MSANTD4: variants seen among roughly 807,000 people sequenced by gnomAD.
The protein encoded by MSANTD4 is Myb/SANT DNA binding domain containing 4 with coiled-coils, also known as myb/SANT-like DNA-binding domain-containing protein 4.
In MSANTD4, 13 loss-of-function variants were observed where a neutral mutation model predicts 34.3. That is an observed-to-expected ratio of 0.38 (90% CI 0.25 to 0.60). The LOEUF (loss-of-function observed/expected upper bound fraction) is 0.60. MSANTD4 is among the 20% of genes least tolerant of loss of function. The probability of loss-of-function intolerance (pLI) is 0.63; values close to 1 mark genes in which losing one functional copy is unlikely to be tolerated. For missense variants in MSANTD4, 358 were observed against 401.8 expected (o/e 0.89, Z 0.93); for synonymous variants, 137 against 145.2 (o/e 0.94, Z 0.41).
At position 106,009,669 on chromosome 11, in the gene MSANTD4, G is replaced by A. The variant is rs768814726; in HGVS notation, c.904C>T (p.Arg302Ter). 7 of 1,614,042 alleles carry A rather than the reference G, an allele frequency of 4.3e-6. No individual in the cohort carries two copies. Among genetic ancestry groups the A allele is most frequent in the East Asian group, 2.2e-5 (1 of 44,862 alleles). Residue 302 changes from arginine (R) to a stop codon, truncating the protein, a stop_gained, in exon 3 of 3, where the codon CGA (arginine) becomes TGA (stop). Coordinates refer to ENST00000301919, the MANE Select transcript of MSANTD4 (RefSeq NM_032424.3). LOFTEE classifies it high-confidence loss of function. ...DIETEKLKLE[R>*]ERLQLEKDRL... The stretch of plus-strand genomic sequence containing the variant: ...TCCTTTTCCAGTTGCAAGCGTTCTC[G>A]CTCAAGTTTTAACTTCTCTGTTTCT...
chr11:106,014,427 C>A (rs1431582934), intron 1 of MSANTD4, among the ~76,000 whole-genome samples: 1 of 152,142 alleles, frequency 6.6e-6, no homozygotes, highest in African/African-American at 2.4e-5. Context: ...CTCAGTTTAC[C>A]TTTTAACACA....
At position 106,021,458 on chromosome 11, in the gene MSANTD4, A is replaced by G. The variant is rs558932863; in HGVS notation, c.-647T>C. On this transcript the variant is annotated 5_prime_UTR_variant, in exon 1 of 3. Coordinates refer to ENST00000301919, the MANE Select transcript of MSANTD4 (RefSeq NM_032424.3). The stretch of plus-strand genomic sequence containing the variant: ...GAATGAAGTTCCTAGATACTTCATG[A>G]TAAGTCAGAATTAAGAAGTCTGAGA... 1 of 152,338 alleles carries G rather than the reference A, an allele frequency of 6.6e-6. No individual in the cohort carries two copies. Among genetic ancestry groups the G allele is most frequent in the Admixed American group, 6.5e-5 (1 of 15,306 alleles). The allele number at this position is 152,338 out of a possible 1,614,324, so 9.4% of individuals were successfully genotyped here.
At chr11:106,011,169 T>A in intron 1 of MSANTD4, 102 bp from the exon 2 acceptor site, 1 of 506,326 alleles carries the variant, frequency 2.0e-6, no homozygotes, top group Non-Finnish European at 3.2e-6. Context: ...AAAACAACCC[T>A]CTAAATATAG....
chr11:106,011,714 C>G (rs1436416071), intron 1 of MSANTD4, among the ~76,000 whole-genome samples: 2 of 152,186 alleles, frequency 1.3e-5, no homozygotes, highest in Admixed American at 1.3e-4. Context: ...AGCAGAGATT[C>G]TGGCACATGG....
At chr11:106,018,492 A>G (rs764056435) in intron 1 of MSANTD4, among the ~76,000 whole-genome samples, 4 of 152,210 alleles carry the variant, frequency 2.6e-5, no homozygotes, top group Non-Finnish European at 4.4e-5. Flanking sequence ...AAGCTCTCCA[A>G]GTGCTTCTCA....
Position 106,009,199 on chromosome 11 carries a change from T to C in MSANTD4, c.*336A>G, listed in dbSNP as rs1370008601. 5.1e-6 allele frequency: 1 copy of C among 196,412 alleles called. No individual in the cohort carries two copies. The highest frequency in any genetic ancestry group is 2.3e-5 in the African/African-American group (1 of 42,676). The allele number at this position is 196,412 out of a possible 1,614,324, so 12.2% of individuals were successfully genotyped here. A position where few individuals can be genotyped will look rare whatever the true frequency, so the allele number is the denominator to read the frequency against. ...AACATGTCTCCAGACATCACCAAAT[T>C]GGTCTTCTGAAGGCCAAAATCTACC... On this transcript the variant is annotated 3_prime_UTR_variant, in exon 3 of 3. Coordinates refer to ENST00000301919, the MANE Select transcript of MSANTD4 (RefSeq NM_032424.3).
At position 106,010,476 on chromosome 11, in the gene MSANTD4, T is replaced by C. The variant is rs1859660147; in HGVS notation, c.442A>G (p.Arg148Gly). Residue 148 changes from arginine (R) to glycine (G), a missense_variant, in exon 2 of 3, where the codon AGG becomes GGG. Arg to Gly is a moderately radical substitution (Grantham distance 125). Around this residue, in one of 2 missense-constraint regions of MSANTD4, gnomAD observed 312 missense variants for 317.6 expected, o/e 0.98. Transcript: ENST00000301919. The stretch of plus-strand genomic sequence containing the variant: ...CTTACTTCAGGACTCTGCGGATCCC[T>C]TTCTTCCTCTTCCACCTTGACCTCA... ...LTEVKVEEEE[R>G]DPQSPEFEIE... is the part of the protein sequence containing the mutation. 1.2e-6 allele frequency: 2 copies of C among 1,613,726 alleles called. No homozygotes were observed. Among genetic ancestry groups the C allele is most frequent in the East Asian group, 2.2e-5 (1 of 44,878 alleles).
intron 1 of MSANTD4, among the ~76,000 whole-genome samples, chr11:106,013,945 C>G (rs918496946): frequency 1.3e-5 from 2 of 152,182 alleles, no homozygotes; most frequent in African/African-American, 4.8e-5. Flanking sequence ...GAGACTCTTA[C>G]CTATGTGGAA....
chr11:106,012,215 A>G (rs1859718360), intron 1 of MSANTD4, among the ~76,000 whole-genome samples: 1 of 152,148 alleles, frequency 6.6e-6, no homozygotes, highest in African/African-American at 2.4e-5. Context: ...TAGATTCCTA[A>G]ACCTTTCAAA....
chr11:106,009,933 A>C lies in MSANTD4; in HGVS notation c.640T>G (p.Leu214Val). ...TCGATATCCAGTCGTCGTTTTTCCA[A>C]CTCTAGTTTCTGTTTCTCAATATTT... is the stretch of plus-strand genomic sequence containing the variant. ...LVNIEKQKLE[L>V]EKRRLDIEAE... The change falls in exon 3 of 3, where the codon TTG becomes GTG. Residue 214 changes from leucine to valine, a missense_variant. Leu to Val is a conservative substitution (Grantham distance 32). Around this residue, in one of 2 missense-constraint regions of MSANTD4, gnomAD observed 312 missense variants for 317.6 expected, o/e 0.98. Coordinates refer to ENST00000301919, the MANE Select transcript of MSANTD4 (RefSeq NM_032424.3). 1 of 1,613,538 alleles carries C rather than the reference A, an allele frequency of 6.2e-7. No homozygotes were observed. Among genetic ancestry groups the C allele is most frequent in the Non-Finnish European group, 8.5e-7 (1 of 1,179,970 alleles).
At position 106,009,939 on chromosome 11, in the gene MSANTD4, G is replaced by A. The variant is rs751292532; in HGVS notation, c.634C>T (p.Leu212=). ...TCCAGTCGTCGTTTTTCCAACTCTA[G>A]TTTCTGTTTCTCAATATTTACGAGC... ...HLLVNIEKQK[L]ELEKRRLDIE... is the part of the protein sequence containing the mutation. The change falls in exon 3 of 3, where the codon CTA becomes TTA. Residue 212 remains leucine, a synonymous_variant. Coordinates refer to ENST00000301919, the MANE Select transcript of MSANTD4 (RefSeq NM_032424.3). 12 of 1,613,402 alleles carry A rather than the reference G, an allele frequency of 7.4e-6. No individual in the cohort carries two copies. Among genetic ancestry groups the A allele is most frequent in the Non-Finnish European group, 1.0e-5 (12 of 1,180,020 alleles).
intron 2 of MSANTD4, 84 bp downstream of exon 2, chr11:106,010,372 T>G: frequency 6.6e-7 from 1 of 1,503,908 alleles, no homozygotes; most frequent in Non-Finnish European, 8.8e-7. Context: ...TTGAAAATCT[T>G]GGAATGTGTT....
At chr11:106,020,031 G>A (rs922494593) in intron 1 of MSANTD4, among the ~76,000 whole-genome samples, 1 of 152,182 alleles carries the variant, frequency 6.6e-6, no homozygotes, top group Non-Finnish European at 1.5e-5. Flanking sequence ...GCCCACAAAT[G>A]TCAGCTATTA....
intron 1 of MSANTD4, among the ~76,000 whole-genome samples, chr11:106,018,787 A>G (rs1859937422): frequency 6.6e-6 from 1 of 152,222 alleles, no homozygotes; most frequent in Non-Finnish European, 1.5e-5. Context: ...AAACACATCA[A>G]AAGAATGAAT....
intron 1 of MSANTD4, among the ~76,000 whole-genome samples, chr11:106,020,667 T>C (rs1054607406): frequency 1.3e-4 from 20 of 152,298 alleles, no homozygotes; most frequent in African/African-American, 4.8e-4. Flanking sequence ...GCTGTTGCTA[T>C]TTGCAGGGCC....
At chr11:106,020,754 T>A (rs1480999147) in intron 1 of MSANTD4, among the ~76,000 whole-genome samples, 3 of 152,226 alleles carry the variant, frequency 2.0e-5, no homozygotes, top group Admixed American at 6.5e-5. Context: ...TGATCTATTC[T>A]GAACTGATGA....
intron 1 of MSANTD4, among the ~76,000 whole-genome samples, chr11:106,016,153 G>A (rs1180940700): frequency 2.6e-5 from 4 of 152,132 alleles, no homozygotes; most frequent in East Asian, 1.9e-4. Context: ...CCACCATGCT[G>A]AGCCTAGAAC....
At chr11:106,020,572 T>C (rs1860004996) in intron 1 of MSANTD4, among the ~76,000 whole-genome samples, 1 of 152,206 alleles carries the variant, frequency 6.6e-6, no homozygotes, top group East Asian at 1.9e-4. Flanking sequence ...AGAAATCGCA[T>C]TGTTGTAAAT....
intron 1 of MSANTD4, among the ~76,000 whole-genome samples, chr11:106,016,546 A>G (rs370686474): frequency 1.3e-5 from 2 of 152,222 alleles, no homozygotes; most frequent in Admixed American, 1.3e-4. Flanking sequence ...AGGTAAAAAT[A>G]TGAACTCAAA....
Sources: gnomAD v4.1 joint callset for allele counts (sites outside exome capture counted in the v4.1 genomes callset) on GRCh38, gnomAD v4.1.1 for gene constraint, gnomAD v4.1.1 regional missense constraint, MANE v1.5 for transcripts, NCBI Gene and HGNC (gene_info 2026-07-23, HGNC 2026-07-21) for gene names.